The following ACADM variants were observed in gnomAD, a reference collection of about 807,000 sequenced individuals.
The protein encoded by ACADM is medium-chain specific acyl-CoA dehydrogenase, mitochondrial.
Under a neutral mutation model 58.9 loss-of-function variants are expected in ACADM, and 49 were observed. That is an observed-to-expected ratio of 0.83 (90% confidence interval 0.66 to 1.06). ACADM has a LOEUF of 1.06. Ranked by LOEUF, ACADM falls within the 50% of genes least tolerant of loss-of-function variation. The pLI, the probability that ACADM is intolerant of heterozygous loss-of-function variation, is 0.00. For synonymous variants in ACADM, 160 were observed against 157.7 expected, an observed-to-expected ratio of 1.01 and a Z score of -0.11; for missense variants, 496 against 507.0, an observed-to-expected ratio of 0.98 and a Z score of 0.21.
chr1:75,744,246 TG>T, intron 7 of ACADM: 1 of 1,602,460 alleles, frequency 6.2e-7, no homozygotes, highest in Non-Finnish European at 8.6e-7. Flanking sequence ...GTATGGGTGC[TG>T]CATGGGGAGG....
chr1:75,734,712 C>A (rs2100370073), intron 5 of ACADM, 79 bp from the exon 6 acceptor site: 1 of 1,163,788 alleles, frequency 8.6e-7, no homozygotes, highest in Non-Finnish European at 1.3e-6. Flanking sequence ...GTTATTTTTT[C>A]ATTTTGAATT....
chr1:75,725,882 G>C (rs1443537918), intron 1 of ACADM, among the ~76,000 whole-genome samples: 1 of 152,126 alleles, frequency 6.6e-6, no homozygotes, highest in African/African-American at 2.4e-5. Flanking sequence ...ACCTGTCTAC[G>C]GCCACAAATA....
intron 10 of ACADM, among the ~76,000 whole-genome samples, chr1:75,753,082 AC>A (rs1409719249): frequency 1.3e-5 from 2 of 152,188 alleles, no homozygotes; most frequent in East Asian, 3.8e-4. Context: ...CAAAACAACA[AC>A]AATAACAAAA....
At chr1:75,750,000 C>T (rs113921450) in intron 9 of ACADM, among the ~76,000 whole-genome samples, 4,614 of 151,992 alleles carry the variant, frequency 0.03, 236 homozygotes, top group African/African-American at 0.1. Flanking sequence ...CGTGAGCCAC[C>T]GCGCCTGACC....
chr1:75,740,209 A>G lies in ACADM; in HGVS notation c.599+99A>G, dbSNP rs946749517. 1.3e-5 allele frequency: 17 copies of G among 1,277,934 alleles called. No individual in the cohort carries two copies. In the African/African-American group the frequency reaches 2.2e-4, roughly 17 times the overall value. The allele number at this position is 1,277,934 out of a possible 1,614,324, so 79.2% of individuals were successfully genotyped here. A position where few individuals can be genotyped will look rare whatever the true frequency, so the allele number is the denominator to read the frequency against. ...ATTTTTAAACCACTACAGTTAAGGT[A>G]TGTTTGTGGAACTGGAAGGCCTAAA... On this transcript the variant is annotated intron_variant, in intron 7 of 11. Transcript: ENST00000370841.
chr1:75,759,364 TC>T (rs986262002), intron 10 of ACADM, among the ~76,000 whole-genome samples: 1 of 152,216 alleles, frequency 6.6e-6, no homozygotes, highest in African/African-American at 2.4e-5. Context: ...CCATCGTCTT[TC>T]CAGTGACCAG....
rs531720145 is a variant in ACADM, at chr1:75,756,696, A to C, written c.946-4426A>C. Among the ~76,000 whole-genome samples the C allele has an allele frequency of 5.3e-3, 815 of 152,344 alleles. 9 individuals are homozygous for C. The highest frequency in any genetic ancestry group is 0.036 in the South Asian group (173 of 4,828). On this transcript the variant is annotated intron_variant, in intron 10 of 11. Transcript: ENST00000370841. ...AAGCTACCAATGACTTTCTTCACAG[A>C]ATTGGAAAAAACTACTTTAAAGTTC... is the stretch of plus-strand genomic sequence containing the variant.
intron 10 of ACADM, among the ~76,000 whole-genome samples, chr1:75,756,522 T>C (rs545561198): frequency 6.6e-6 from 1 of 152,256 alleles, no homozygotes; most frequent in South Asian, 2.1e-4. Flanking sequence ...AAGGACCTCT[T>C]CAAGGAGAAC....
intron 1 of ACADM, among the ~76,000 whole-genome samples, chr1:75,727,928 C>G (rs1006291293): frequency 6.6e-6 from 1 of 152,040 alleles, no homozygotes; most frequent in African/African-American, 2.4e-5. Flanking sequence ...AAAATGAGAT[C>G]CTCTGAGGGG....
intron 1 of ACADM, 47 bp downstream of exon 1, chr1:75,724,864 T>G (rs1570843472): frequency 1.4e-6 from 2 of 1,403,590 alleles, no homozygotes; most frequent in Admixed American, 2.8e-5. Flanking sequence ...ATGGGTATTG[T>G]GGTGTCGGAG....
At chr1:75,730,463 A>G (rs541496019) in intron 2 of ACADM, among the ~76,000 whole-genome samples, 21 of 152,212 alleles carry the variant, frequency 1.4e-4, no homozygotes, top group Middle Eastern at 3.4e-3. Context: ...TATATGCTGT[A>G]TTTAAAGCCC....
chr1:75,752,767 C>T (rs533332223), intron 10 of ACADM, among the ~76,000 whole-genome samples: 18 of 152,104 alleles, frequency 1.2e-4, no homozygotes, highest in Non-Finnish European at 2.4e-4. Context: ...GCTAATCTTT[C>T]AAGGTGTATT....
intron 10 of ACADM, among the ~76,000 whole-genome samples, chr1:75,757,208 G>A (rs1300526355): frequency 6.6e-6 from 1 of 152,134 alleles, no homozygotes; most frequent in African/African-American, 2.4e-5. Context: ...ATTGACAATT[G>A]GGATCTAATT....
intron 10 of ACADM, among the ~76,000 whole-genome samples, chr1:75,760,858 T>A (rs1648805962): frequency 6.6e-6 from 1 of 152,084 alleles, no homozygotes; most frequent in Admixed American, 6.6e-5. Flanking sequence ...TATGTTAACA[T>A]TAGAGGAAGC....
intron 1 of ACADM, among the ~76,000 whole-genome samples, chr1:75,725,614 T>G (rs919246130): frequency 6.6e-6 from 1 of 152,148 alleles, no homozygotes; most frequent in East Asian, 1.9e-4. Flanking sequence ...TATAGAAAAC[T>G]TACACCCTTT....
intron 2 of ACADM, 139 bp from the exon 3 acceptor site, chr1:75,732,505 C>CA (rs2100361986): frequency 1.3e-6 from 1 of 744,570 alleles, no homozygotes; most frequent in South Asian, 1.5e-5. Flanking sequence ...CTTGATTAGT[C>CA]AAAAAATGCA....
intron 10 of ACADM, among the ~76,000 whole-genome samples, chr1:75,756,538 A>G (rs1648518276): frequency 6.6e-6 from 1 of 152,206 alleles, no homozygotes; most frequent in African/African-American, 2.4e-5. Flanking sequence ...AGAACCACAA[A>G]CCACCACTCA....
chr1:75,732,250 G>A (rs557407426), intron 2 of ACADM, among the ~76,000 whole-genome samples: 1 of 152,200 alleles, frequency 6.6e-6, no homozygotes, highest in African/African-American at 2.4e-5. Context: ...TATTTCGTTA[G>A]ATTGATTCTT....
In ACADM at chr1:75,728,392, T is replaced by A; in HGVS notation, c.31-9T>A. 6.2e-7 allele frequency: 1 copy of A among 1,607,666 alleles called. No homozygotes were observed. Among genetic ancestry groups the A allele is most frequent in the Non-Finnish European group, 8.5e-7 (1 of 1,175,600 alleles). ...ATCAAATTTATTTTAATAAAAGTGT[T>A]CTTTACAGGTCCTGAGAAGTATTTC... On this transcript the variant is annotated splice_polypyrimidine_tract_variant and intron_variant, in intron 1 of 11. Transcript: ENST00000370841.
Sources: allele counts gnomAD v4.1 joint callset (sites outside exome capture counted in the v4.1 genomes callset), GRCh38; gene constraint gnomAD v4.1.1; transcripts MANE v1.5; gene names NCBI Gene and HGNC (gene_info 2026-07-23, HGNC 2026-07-21).